Variants in MACROD2 observed in about 807,000 individuals in gnomAD.
The protein encoded by MACROD2 is ADP-ribose glycohydrolase MACROD2.
A neutral mutation model predicts 70.4 loss-of-function variants in MACROD2; 36 were observed. The ratio of observed to expected loss-of-function variants is 0.51; its 90% confidence interval spans 0.39 to 0.68. The LOEUF (loss-of-function observed/expected upper bound fraction) is 0.68. Ranked by LOEUF, MACROD2 falls within the 30% of genes least tolerant of loss-of-function variation. The pLI, the probability that MACROD2 is intolerant of heterozygous loss-of-function variation, is 0.00. For missense variants in MACROD2, 496 were observed against 538.4 expected (o/e 0.92, Z 0.78); for synonymous variants, 172 against 178.8 (o/e 0.96, Z 0.30).
intron 5 of MACROD2, among the ~76,000 whole-genome samples, chr20:14,875,224 T>G (rs1188800782): frequency 1.3e-5 from 2 of 151,708 alleles, no homozygotes; most frequent in Non-Finnish European, 2.9e-5. Context: ...CTACTAAAAA[T>G]ACAAAAATTA....
chr20:15,835,472 A>G (rs2064104029), intron 8 of MACROD2, among the ~76,000 whole-genome samples: 1 of 152,058 alleles, frequency 6.6e-6, no homozygotes. Context: ...TAGCACCATT[A>G]ACTATTATAT....
intron 2 of MACROD2, among the ~76,000 whole-genome samples, chr20:14,067,416 C>T (rs143123158): frequency 7.2e-4 from 109 of 152,220 alleles, no homozygotes; most frequent in African/African-American, 2.5e-3. Flanking sequence ...CCACTGCACT[C>T]AGCATAAAAA....
At chr20:14,046,611 G>A (rs1223369631) in intron 2 of MACROD2, among the ~76,000 whole-genome samples, 2 of 151,830 alleles carry the variant, frequency 1.3e-5, no homozygotes, top group Admixed American at 6.6e-5. Flanking sequence ...TCAAATTTTC[G>A]GGAAACAAAA....
chr20:15,997,066 CTGT>C, intron 15 of MACROD2, among the ~76,000 whole-genome samples: 1 of 152,170 alleles, frequency 6.6e-6, no homozygotes, highest in African/African-American at 2.4e-5. Flanking sequence ...GTCTGTGTGT[CTGT>C]TGTTGTGCCA....
chr20:14,457,304 C>T (rs1232336072), intron 3 of MACROD2, among the ~76,000 whole-genome samples: 1 of 152,060 alleles, frequency 6.6e-6, no homozygotes, highest in Non-Finnish European at 1.5e-5. Flanking sequence ...TTCATCAACA[C>T]ACTGGGATTT....
intron 5 of MACROD2, among the ~76,000 whole-genome samples, chr20:14,862,676 TAA>T (rs67901168): frequency 1.4e-5 from 1 of 71,956 alleles, no homozygotes; most frequent in African/African-American, 5.4e-5. Flanking sequence ...TAAATATATA[TAA>T]ATATATATAT....
At chr20:14,145,040 C>T (rs951767054) in intron 3 of MACROD2, among the ~76,000 whole-genome samples, 5 of 152,104 alleles carry the variant, frequency 3.3e-5, no homozygotes, top group Non-Finnish European at 5.9e-5. Flanking sequence ...TCTGGATTTC[C>T]CCAATTCCTC....
chr20:15,857,767 T>C (rs2064373703), intron 8 of MACROD2, among the ~76,000 whole-genome samples: 1 of 152,170 alleles, frequency 6.6e-6, no homozygotes, highest in South Asian at 2.1e-4. Flanking sequence ...AGAAAAAAAC[T>C]ATAGAGATGA....
intron 3 of MACROD2, among the ~76,000 whole-genome samples, chr20:14,259,756 A>G (rs1398680447): frequency 6.6e-6 from 1 of 152,210 alleles, no homozygotes; most frequent in Admixed American, 6.5e-5. Context: ...AATGGAGTAT[A>G]CTATGGAATC....
rs143658224 is a variant in MACROD2 at position 15,679,339 on chromosome 20, AG to A, written c.645+179496del. 4.6e-3 allele frequency among the ~76,000 whole-genome samples: 703 copies of A among 152,056 alleles called. 13 individuals are homozygous for A. The East Asian group carries it at 0.072, about 16-fold the overall frequency. On this transcript the variant is annotated intron_variant, in intron 8 of 17. Transcript: ENST00000684519. ...CATGTGGCCAAGGGAAAGAAGGGTG[AG>A]GGGTGGTCAGGGAAGGAGTGCATTG...
At chr20:15,789,867 G>A (rs1399195218) in intron 8 of MACROD2, among the ~76,000 whole-genome samples, 4 of 151,882 alleles carry the variant, frequency 2.6e-5, no homozygotes, top group Non-Finnish European at 5.9e-5. Context: ...AAAATTTGAG[G>A]AACCAAGTGT....
At chr20:14,659,540 C>T (rs1158381301) in intron 4 of MACROD2, among the ~76,000 whole-genome samples, 1 of 152,136 alleles carries the variant, frequency 6.6e-6, no homozygotes, top group Non-Finnish European at 1.5e-5. Flanking sequence ...GGTGCTGGCT[C>T]TCCAAGATGA....
intron 5 of MACROD2, among the ~76,000 whole-genome samples, chr20:14,919,526 C>A (rs8183300): frequency 0.13 from 19,489 of 152,244 alleles, 1,483 homozygotes; most frequent in Non-Finnish European, 0.17. Flanking sequence ...TTTATTCCTG[C>A]CTTCTTGCAA....
intron 5 of MACROD2, among the ~76,000 whole-genome samples, chr20:15,147,686 T>A (rs920662368): frequency 6.6e-6 from 1 of 152,104 alleles, no homozygotes; most frequent in Admixed American, 6.6e-5. Context: ...TGAAAATGGG[T>A]CCACACTTTC....
chr20:15,155,328 C>T (rs1431217391), intron 5 of MACROD2, among the ~76,000 whole-genome samples: 1 of 152,102 alleles, frequency 6.6e-6, no homozygotes, highest in Non-Finnish European at 1.5e-5. Context: ...TCTCATCTGG[C>T]CCTTGCCTCC....
At chr20:14,488,169 T>A (rs1457297667) in intron 3 of MACROD2, among the ~76,000 whole-genome samples, 1 of 152,232 alleles carries the variant, frequency 6.6e-6, no homozygotes, top group Non-Finnish European at 1.5e-5. Flanking sequence ...AAAACCTTTC[T>A]TGTCAAAGAC....
intron 3 of MACROD2, among the ~76,000 whole-genome samples, chr20:14,196,796 A>G (rs1387688827): frequency 6.6e-6 from 1 of 152,192 alleles, no homozygotes; most frequent in African/African-American, 2.4e-5. Context: ...AAATTCAGAA[A>G]ATATGGTTGC....
chr20:15,575,829 T>C (rs1151922), intron 8 of MACROD2, among the ~76,000 whole-genome samples: 117,061 of 152,030 alleles, frequency 0.77, 47,640 homozygotes, highest in Non-Finnish European at 0.92. Flanking sequence ...CAGTCCCCCG[T>C]GTCTCTTTCC....
chr20:15,695,549 T>C (rs766324042), intron 8 of MACROD2, among the ~76,000 whole-genome samples: 1 of 152,086 alleles, frequency 6.6e-6, no homozygotes, highest in Non-Finnish European at 1.5e-5. Flanking sequence ...TAGCTGGGAC[T>C]ACAGGCATGT....
Sources: gnomAD v4.1 joint callset for allele counts (sites outside exome capture counted in the v4.1 genomes callset) on GRCh38, gnomAD v4.1.1 for gene constraint, MANE v1.5 for transcripts, NCBI Gene and HGNC (gene_info 2026-07-23, HGNC 2026-07-21) for gene names.